The following PRC1 variants were observed in gnomAD, a reference collection of about 807,000 sequenced individuals.
PRC1 encodes protein regulator of cytokinesis 1.
PRC1 carries 54 observed loss-of-function variants against 91.2 expected under a neutral mutation model. The ratio of observed to expected loss-of-function variants is 0.59; its 90% CI spans 0.48 to 0.74. The LOEUF is 0.74. Among genes scored for constraint, PRC1 ranks in the 30% least tolerant of loss-of-function variants. The pLI is 0.00. For missense variants in PRC1, 727 were observed against 746.2 expected (o/e 0.97, Z 0.30); for synonymous variants, 275 against 263.6 (o/e 1.04, Z -0.42).
chr15:90,979,004 A>T (rs1040268165), intron 8 of PRC1, among the ~76,000 whole-genome samples, 154 bp downstream of exon 8: 9 of 152,162 alleles, frequency 5.9e-5, no homozygotes, highest in Non-Finnish European at 8.8e-5. Context: ...CCCTGTAGAT[A>T]AGCTTATCAA....
chr15:90,968,699 G>A, intron 14 of PRC1: 1 of 1,069,752 alleles, frequency 9.3e-7, no homozygotes, highest in South Asian at 3.1e-5. Context: ...GAAATAATCA[G>A]CACACAGGCC....
At position 90,980,170 on chromosome 15, in the gene PRC1, G is replaced by A. The variant is rs558140310; in HGVS notation, c.970+72C>T. The A allele has an allele frequency of 5.5e-6, 8 of 1,458,944 alleles. No homozygotes were observed. In the African/African-American group the frequency reaches 7.2e-5, roughly 13 times the overall value. 90.4% of individuals were successfully genotyped at this position (1,458,944 alleles called of 1,614,324 possible). On this transcript the variant is annotated intron_variant, in intron 7 of 14. Coordinates refer to ENST00000394249, the MANE Select transcript of PRC1 (RefSeq NM_003981.4). ...GAGGATTGTTTGAGCCTAGGAACTT[G>A]AGACTAGGCTGGGCAACAGAGTAAG...
chr15:90,989,687 T>C (rs926164904), intron 1 of PRC1, among the ~76,000 whole-genome samples: 1 of 150,500 alleles, frequency 6.6e-6, no homozygotes, highest in South Asian at 2.1e-4. Context: ...AAAAAAAAAA[T>C]ACAAATGGCC....
intron 3 of PRC1, among the ~76,000 whole-genome samples, chr15:90,982,248 C>CAA (rs952422516): frequency 1.3e-5 from 2 of 152,192 alleles, no homozygotes; most frequent in African/African-American, 4.8e-5. Context: ...TTAACCATTA[C>CAA]GTGTACAGTT....
rs1270393155 is a variant in PRC1, at chr15:90,980,391, TGAAA to T, written c.823-6_823-3del. The T allele has an allele frequency of 1.9e-6, 3 of 1,612,396 alleles. No individual in the cohort carries two copies. Among genetic ancestry groups the T allele is most frequent in the African/African-American group, 1.3e-5 (1 of 74,794 alleles). On this transcript the variant is annotated splice_region_variant and splice_polypyrimidine_tract_variant and intron_variant, in intron 6 of 14. Transcript: ENST00000394249. ...CAACCGATCCACTTCTAATTGCAGC[TGAAA>T]GAAAGAAACTTGTTAAGGGTGGCTG...
intron 1 of PRC1, among the ~76,000 whole-genome samples, chr15:90,986,915 G>A (rs1398372798): frequency 6.6e-6 from 1 of 151,222 alleles, no homozygotes; most frequent in African/African-American, 2.4e-5. Flanking sequence ...ACTTTAGGCT[G>A]AGCAAATGCC....
At chr15:90,994,372 C>T in intron 1 of PRC1, 35 bp downstream of exon 1, 1 of 1,612,318 alleles carries the variant, frequency 6.2e-7, no homozygotes. Flanking sequence ...GCGTCGCTCC[C>T]TCCCGCGTCC....
chr15:90,989,976 C>A (rs531894842), intron 1 of PRC1, among the ~76,000 whole-genome samples: 3 of 152,068 alleles, frequency 2.0e-5, no homozygotes, highest in Non-Finnish European at 4.4e-5. Flanking sequence ...GGTGATCCTC[C>A]CACCTGAGCC....
In PRC1 at chr15:90,974,413, C is replaced by T. The variant is rs1171863902; in HGVS notation, c.1351-167G>A. On this transcript the variant is annotated intron_variant, in intron 10 of 14. Coordinates refer to ENST00000394249, the MANE Select transcript of PRC1 (RefSeq NM_003981.4). This position sits in a 1 kb window ranked among gnomAD's most constrained non-coding sequence, Gnocchi z 4.6. Reference sequence around the variant, plus strand: ...CCCCGGTCCCCGGCTCCCCGTTCCACAAGCCCCGGTCCCCGGCTCCCCGTT... The same window carrying T: ...CCCCGGTCCCCGGCTCCCCGTTCCATAAGCCCCGGTCCCCGGCTCCCCGTT... Among the ~76,000 whole-genome samples the T allele has an allele frequency of 6.6e-6, 1 of 152,052 alleles. No homozygotes were observed. Among genetic ancestry groups the T allele is most frequent in the African/African-American group, 2.4e-5 (1 of 41,386 alleles).
chr15:90,967,264 T>G, intron 14 of PRC1, 62 bp from the exon 15 acceptor site: 1 of 1,393,188 alleles, frequency 7.2e-7, no homozygotes, highest in South Asian at 1.2e-5. Flanking sequence ...CCCACCCTTC[T>G]AAGTTTGGTT....
At chr15:90,972,861 G>C (rs2038286488) in intron 11 of PRC1, 1 of 152,238 alleles carries the variant, frequency 6.6e-6, no homozygotes, top group Non-Finnish European at 1.5e-5. Context: ...GTCTTACAGG[G>C]AAAATGGCAT....
Position 90,982,374 on chromosome 15 carries a change from C to G in PRC1, c.268-393G>C, listed in dbSNP as rs547455968. 5.9e-5 allele frequency among the ~76,000 whole-genome samples: 9 copies of G among 152,090 alleles called. 1 individual carries two copies. The South Asian group carries it at 1.5e-3, about 25-fold the overall frequency. ...AAACAAATAAGTCCCCATTTTTTCC[C>G]TTCTCCAAGCCTGGCAACCACCATT... On this transcript the variant is annotated intron_variant, in intron 3 of 14. Transcript: ENST00000394249.
At chr15:90,994,206 T>C (rs1023434290) in intron 1 of PRC1, among the ~76,000 whole-genome samples, 7 of 152,016 alleles carry the variant, frequency 4.6e-5, no homozygotes, top group African/African-American at 1.7e-4. Context: ...GGACAGCGCG[T>C]CAGGTCTCAC....
At chr15:90,967,482 C>T (rs923727435) in intron 14 of PRC1, 13 of 432,884 alleles carry the variant, frequency 3.0e-5, no homozygotes, top group South Asian at 1.4e-4. Context: ...TACAGTCATG[C>T]ACTGCATAAT....
At chr15:90,975,362 G>T (rs2038584225) in intron 9 of PRC1, among the ~76,000 whole-genome samples, 1 of 152,132 alleles carries the variant, frequency 6.6e-6, no homozygotes, top group Non-Finnish European at 1.5e-5. Flanking sequence ...GATTACAGGA[G>T]TGAGACACCA....
At position 90,991,356 on chromosome 15, in the gene PRC1, C is replaced by T. The variant is rs539302470; in HGVS notation, c.11+3051G>A. On this transcript the variant is annotated intron_variant, in intron 1 of 14. Coordinates refer to ENST00000394249, the MANE Select transcript of PRC1 (RefSeq NM_003981.4). ...ACTTGAACCCGGTGAACCCAGGAGG[C>T]GGAGGTTGCAGTGAGCTGAGATCAT... is the stretch of plus-strand genomic sequence containing the variant. Among the ~76,000 whole-genome samples the T allele has an allele frequency of 3.3e-5, 5 of 151,064 alleles. 1 individual carries two copies. The highest frequency in any genetic ancestry group is 1.2e-4 in the African/African-American group (5 of 41,186).
Position 90,980,934 on chromosome 15 carries a change from C to G in PRC1, c.772G>C (p.Glu258Gln). Reference protein sequence around the residue: ...DRLQIPEEEREAVATIMSGSK... With the variant: ...DRLQIPEEERQAVATIMSGSK... ...CCAGACATAATGGTGGCCACAGCTT[C>G]TCTTTCTTCTTCAGGTATTTGCAAC... The change falls in exon 6 of 15, where the codon GAA becomes CAA. Residue 258 changes from glutamate (E) to glutamine (Q), a missense_variant. Transcript: ENST00000394249. 1 of 1,614,196 alleles carries G rather than the reference C, an allele frequency of 6.2e-7. No individual in the cohort carries two copies. The highest frequency in any genetic ancestry group is 1.3e-5 in the African/African-American group (1 of 75,056).
chr15:90,994,470 C>T lies in PRC1; in HGVS notation c.-53G>A, dbSNP rs2040180622. ...CAGGTCCAGACCTACTCCACACGGC[C>T]CCGAGAGCAACAACCACCCGCAAAC... On this transcript the variant is annotated 5_prime_UTR_variant, in exon 1 of 15. Transcript: ENST00000394249. 2 of 1,590,940 alleles carry T rather than the reference C, an allele frequency of 1.3e-6. No homozygotes were observed. Among genetic ancestry groups the T allele is most frequent in the East Asian group, 2.3e-5 (1 of 42,640 alleles).
chr15:90,984,862 G>A lies in PRC1; in HGVS notation c.12-37C>T, dbSNP rs762078624. The A allele has an allele frequency of 7.4e-6, 12 of 1,611,684 alleles. No individual in the cohort carries two copies. The South Asian group carries it at 1.2e-4, about 16-fold the overall frequency. ...AAACTAAGGCCTGTTAGTTACATCA[G>A]TCACAGCCTCTGGACTAAAAGCACT... On this transcript the variant is annotated intron_variant, in intron 1 of 14. Coordinates refer to ENST00000394249, the MANE Select transcript of PRC1 (RefSeq NM_003981.4). The surrounding 1 kb of genome is among the most constrained non-coding windows in gnomAD (Gnocchi z 5.1).
Sources: allele counts gnomAD v4.1 joint callset (sites outside exome capture counted in the v4.1 genomes callset), GRCh38; gene constraint gnomAD v4.1.1; non-coding constraint Gnocchi (gnomAD v3.1); transcripts MANE v1.5; gene names NCBI Gene and HGNC (gene_info 2026-07-23, HGNC 2026-07-21).